Variants in DAB1 observed in about 807,000 individuals in gnomAD.
DAB1 encodes the protein disabled homolog 1.
DAB1 carries 15 observed loss-of-function variants against 64.6 expected under a neutral mutation model. The observed-to-expected ratio is 0.23, with a 90% CI of 0.16 to 0.36. DAB1 has a LOEUF of 0.36. DAB1 is among the 10% of genes least tolerant of loss of function. The pLI is 1.00. For missense variants in DAB1, 596 were observed against 706.7 expected, an observed-to-expected ratio of 0.84 and a Z score of 1.78; for synonymous variants, 235 against 251.9, an observed-to-expected ratio of 0.93 and a Z score of 0.64.
At chr1:57,864,886 C>T (rs973895742) in intron 1 of DAB1, 10 of 151,924 alleles carry the variant, frequency 6.6e-5, no homozygotes, top group African/African-American at 1.2e-4. Context: ...CTTTGTAAAC[C>T]GTGAAAGTGC....
chr1:58,228,775 C>CA, intron 4 of DAB1: 1 of 847,254 alleles, frequency 1.2e-6, no homozygotes, highest in African/African-American at 1.7e-5. Context: ...GTTATGCAAA[C>CA]AAGACAGAAA....
intron 7 of DAB1, among the ~76,000 whole-genome samples, chr1:57,557,259 T>A (rs771647776): frequency 9.9e-5 from 15 of 152,144 alleles, no homozygotes; most frequent in Non-Finnish European, 1.6e-4. Context: ...CAGCTACATC[T>A]TTCTCCTGTG....
At chr1:57,390,690 G>C (rs1234136368) in intron 1 of DAB1, among the ~76,000 whole-genome samples, 1 of 152,152 alleles carries the variant, frequency 6.6e-6, no homozygotes, top group Non-Finnish European at 1.5e-5. Flanking sequence ...ACAAGACAAG[G>C]AGAAATCAAG....
At chr1:57,382,135 G>A (rs1681434527) in intron 1 of DAB1, among the ~76,000 whole-genome samples, 1 of 152,182 alleles carries the variant, frequency 6.6e-6, no homozygotes, top group Admixed American at 6.5e-5. Flanking sequence ...CACCTTATCT[G>A]AGGATGAACC....
chr1:57,353,103 A>T (rs556723953), intron 1 of DAB1, among the ~76,000 whole-genome samples: 212 of 123,302 alleles, frequency 1.7e-3, no homozygotes, highest in African/African-American at 3.4e-3. Flanking sequence ...ATATATATAT[A>T]TTTTTTTCCA....
In DAB1 at chr1:57,669,233, T is replaced by C. The variant is rs902757495; in HGVS notation, n.552-19568A>G. On this transcript the variant is annotated intron_variant and non_coding_transcript_variant, in intron 6 of 20. Coordinates refer to the DAB1 transcript ENST00000485760. Reference sequence around the variant, plus strand: ...GAAAGATGAGACAGGAAGAGAGAGTTTTTTTACTGACGGAATCCAATACAA... The same window carrying C: ...GAAAGATGAGACAGGAAGAGAGAGTCTTTTTACTGACGGAATCCAATACAA... Among the ~76,000 whole-genome samples the C allele has an allele frequency of 1.3e-3, 203 of 152,158 alleles. 1 individual carries two copies. The highest frequency in any genetic ancestry group is 4.2e-3 in the African/African-American group (173 of 41,526).
chr1:57,758,326 C>T (rs1229025853), intron 6 of DAB1, among the ~76,000 whole-genome samples: 1 of 152,020 alleles, frequency 6.6e-6, no homozygotes, highest in East Asian at 1.9e-4. Flanking sequence ...CAAAGTCACA[C>T]TATTATTAAG....
chr1:57,901,814 C>T (rs1644478078), intron 5 of DAB1, among the ~76,000 whole-genome samples: 1 of 152,130 alleles, frequency 6.6e-6, no homozygotes, highest in African/African-American at 2.4e-5. Context: ...CCCAGCTCCA[C>T]CATTCCTTCT....
chr1:57,759,627 T>C (rs1648974809), intron 6 of DAB1, among the ~76,000 whole-genome samples: 1 of 152,180 alleles, frequency 6.6e-6, no homozygotes, highest in African/African-American at 2.4e-5. Context: ...TTTTTCTAAT[T>C]GCAGGGGGAT....
At chr1:57,959,826 C>T (rs1169725687) in intron 5 of DAB1, among the ~76,000 whole-genome samples, 1 of 152,182 alleles carries the variant, frequency 6.6e-6, no homozygotes, top group East Asian at 1.9e-4. Context: ...CCTTGGGGAC[C>T]TTTCTGCTTC....
chr1:58,434,019 G>C (rs1417048412), intron 3 of DAB1, among the ~76,000 whole-genome samples: 1 of 152,122 alleles, frequency 6.6e-6, no homozygotes, highest in African/African-American at 2.4e-5. Flanking sequence ...GGTAGAAGTA[G>C]AGTATGGGCA....
intron 2 of DAB1, among the ~76,000 whole-genome samples, chr1:57,171,625 GATT>G (rs1557859706): frequency 2.0e-5 from 3 of 151,986 alleles, no homozygotes; most frequent in African/African-American, 4.8e-5. Flanking sequence ...GTGCACAGAA[GATT>G]ACTGCAGGCA....
intron 6 of DAB1, among the ~76,000 whole-genome samples, chr1:57,730,604 G>A (rs1227531075): frequency 6.6e-6 from 1 of 152,216 alleles, no homozygotes; most frequent in Non-Finnish European, 1.5e-5. Flanking sequence ...TTTTGGGCAT[G>A]AGGAGGTAGA....
chr1:57,608,724 A>G (rs549231066), intron 7 of DAB1, among the ~76,000 whole-genome samples: 1 of 152,264 alleles, frequency 6.6e-6, no homozygotes, highest in African/African-American at 2.4e-5. Context: ...AGGTTAAGTA[A>G]CTTCTCAACA....
chr1:57,600,923 T>C (rs1570663243), intron 7 of DAB1, among the ~76,000 whole-genome samples: 1 of 152,326 alleles, frequency 6.6e-6, no homozygotes, highest in Non-Finnish European at 1.5e-5. Flanking sequence ...TTATAATTCA[T>C]CACAGGTGGT....
At chr1:57,611,053 G>C (rs1314875052) in intron 7 of DAB1, among the ~76,000 whole-genome samples, 1 of 151,018 alleles carries the variant, frequency 6.6e-6, no homozygotes, top group African/African-American at 2.4e-5. Flanking sequence ...ACTCATGCTT[G>C]CTTTTGCACT....
At chr1:58,135,394 G>A (rs1431857253) in intron 5 of DAB1, among the ~76,000 whole-genome samples, 1 of 152,100 alleles carries the variant, frequency 6.6e-6, no homozygotes, top group Non-Finnish European at 1.5e-5. Context: ...TCTTTACTGA[G>A]GAAGGCCTTG....
In DAB1 at chr1:57,757,842, G is replaced by A. The variant is rs113907047; in HGVS notation, n.552-108177C>T. Among the ~76,000 whole-genome samples, 692 of 152,156 alleles carry A rather than the reference G, an allele frequency of 4.5e-3. 7 individuals are homozygous for A. Among genetic ancestry groups the A allele is most frequent in the African/African-American group, 0.016 (660 of 41,508 alleles). ...TCATTTTTCTTTATTTTTGAGACAG[G>A]GTCTTGCTGTGTTGCCCAGGCTGAA... On this transcript the variant is annotated intron_variant and non_coding_transcript_variant, in intron 6 of 20. Coordinates refer to the DAB1 transcript ENST00000485760.
chr1:58,529,914 T>C (rs1646408000), intron 1 of DAB1, among the ~76,000 whole-genome samples: 1 of 152,108 alleles, frequency 6.6e-6, no homozygotes, highest in African/African-American at 2.4e-5. Context: ...GTAGTCTCAC[T>C]CTGTCGCCCA....
Sources: gnomAD v4.1 joint callset for allele counts (sites outside exome capture counted in the v4.1 genomes callset) on GRCh38, gnomAD v4.1.1 for gene constraint, MANE v1.5 for transcripts, NCBI Gene and HGNC (gene_info 2026-07-23, HGNC 2026-07-21) for gene names.